The following ZNF232 variants were observed in gnomAD, a reference collection of about 807,000 sequenced individuals.
ZNF232 encodes zinc finger and SCAN domain-containing protein 11.
ZNF232 carries 25 observed loss-of-function variants against 25.2 expected under a neutral mutation model. The ratio of observed to expected loss-of-function variants is 0.99; its 90% CI spans 0.72 to 1.39. The LOEUF (loss-of-function observed/expected upper bound fraction) is 1.39. Ranked by LOEUF, ZNF232 falls within the 40% of genes most tolerant of loss-of-function variation. The pLI is 0.00. For missense variants in ZNF232, 519 were observed against 520.9 expected, an observed-to-expected ratio of 1.00 and a Z score of 0.04; for synonymous variants, 193 against 182.9, an observed-to-expected ratio of 1.06 and a Z score of -0.45.
At chr17:5,120,667 G>A (rs182232657) in intron 1 of ZNF232, 6 of 399,710 alleles carry the variant, frequency 1.5e-5, no homozygotes, top group South Asian at 1.1e-4. Context: ...GAGGATGTCA[G>A]TGTGAAGATG....
At chr17:5,111,213 C>A (rs933272764) in intron 1 of ZNF232, 1 of 152,604 alleles carries the variant, frequency 6.6e-6, no homozygotes, top group African/African-American at 2.4e-5. Context: ...TGCTTTCTAT[C>A]TTGCAGCTAT....
intron 3 of ZNF232, among the ~76,000 whole-genome samples, chr17:5,107,470 A>G (rs927424557): frequency 1.4e-5 from 2 of 141,894 alleles, no homozygotes; most frequent in African/African-American, 5.2e-5. Flanking sequence ...TTTATGTTTT[A>G]TCTGTTGTAA....
intron 1 of ZNF232, among the ~76,000 whole-genome samples, chr17:5,122,217 T>G (rs924035822): frequency 1.7e-4 from 26 of 151,926 alleles, no homozygotes; most frequent in African/African-American, 6.0e-4. Flanking sequence ...ACTGGATGCC[T>G]GGATCTCAGG....
intron 3 of ZNF232, among the ~76,000 whole-genome samples, chr17:5,107,972 A>T (rs1242539792): frequency 6.6e-6 from 1 of 152,212 alleles, no homozygotes; most frequent in Non-Finnish European, 1.5e-5. Flanking sequence ...AATAAAATTG[A>T]TAAATGAATA....
At chr17:5,121,800 C>G (rs751449884) in intron 1 of ZNF232, 1 of 153,322 alleles carries the variant, frequency 6.5e-6, no homozygotes, top group Non-Finnish European at 1.5e-5. Flanking sequence ...GCCCACTTCA[C>G]CTAGGAAGAA....
At chr17:5,118,029 A>G (rs1374928682) in intron 1 of ZNF232, among the ~76,000 whole-genome samples, 4 of 150,660 alleles carry the variant, frequency 2.7e-5, no homozygotes, top group Non-Finnish European at 5.9e-5. Context: ...AGATCATGCC[A>G]CTGCACTCTA....
rs188493357 is a variant in ZNF232, at chr17:5,119,771, C to T, written c.-530+3206G>A. On this transcript the variant is annotated intron_variant, in intron 1 of 4. Coordinates refer to the ZNF232 transcript ENST00000250076. ...AACAAGGAACTTCTGCCCAGCACTACAAGTGACTCACAGCCATCATCTCAG... is the reference window on the plus strand; with the variant it reads ...AACAAGGAACTTCTGCCCAGCACTATAAGTGACTCACAGCCATCATCTCAG... Among the ~76,000 whole-genome samples the T allele has an allele frequency of 2.6e-4, 39 of 152,304 alleles. No individual in the cohort carries two copies. In the East Asian group the frequency reaches 7.1e-3, roughly 28 times the overall value.
chr17:5,118,248 T>G (rs531711946), intron 1 of ZNF232: 14 of 152,648 alleles, frequency 9.2e-5, no homozygotes, highest in African/African-American at 3.4e-4. Flanking sequence ...GGGTGCCCTG[T>G]TTACTCAGCC....
At chr17:5,105,765 A>G (rs1174861464) in exon 4 of ZNF232, 3 of 1,435,052 alleles carry the variant, frequency 2.1e-6, no homozygotes, top group Non-Finnish European at 2.8e-6. Context: ...TATGGGATCC[A>G]GTCCTAAAGT....
upstream of ZNF232, chr17:5,114,266 A>AGAT (rs2072479815): frequency 6.6e-6 from 1 of 152,280 alleles, no homozygotes; most frequent in Non-Finnish European, 1.5e-5. Context: ...ATGAATTTCC[A>AGAT]GATGCCTCAC....
chr17:5,110,818 A>G lies in ZNF232; in HGVS notation c.24-950T>C, dbSNP rs58458264. On this transcript the variant is annotated intron_variant, in intron 1 of 3. Transcript: ENST00000575898. Reference sequence around the variant, plus strand: ...GAGGATGCACCCAGGAAAAAGACACACAAGCCACAGTAGGATCCGTGGCTC... The same window carrying G: ...GAGGATGCACCCAGGAAAAAGACACGCAAGCCACAGTAGGATCCGTGGCTC... 9.0e-3 allele frequency among the ~76,000 whole-genome samples: 1,367 copies of G among 152,330 alleles called. 20 individuals are homozygous for G. The highest frequency in any genetic ancestry group is 0.032 in the African/African-American group (1,310 of 41,564).
chr17:5,115,396 A>G (rs941209031), upstream of ZNF232, among the ~76,000 whole-genome samples: 2 of 152,020 alleles, frequency 1.3e-5, no homozygotes, highest in Non-Finnish European at 2.9e-5. Context: ...TACTAAAAAT[A>G]CAAAATTAGC....
rs1279574693 is a variant in ZNF232, at chr17:5,109,206, A to C, written c.499-154T>G. ...CTCCTCAGAGTCAGCACAAGGGAAG[A>C]AGAGGAGCTAGAGTCTCTTTCTCAT... On this transcript the variant is annotated intron_variant, in intron 2 of 3. Transcript: ENST00000575898. 3.2e-6 allele frequency: 4 copies of C among 1,266,918 alleles called. No individual in the cohort carries two copies. In the South Asian group the frequency reaches 5.3e-5, roughly 17 times the overall value. 78.5% of individuals were successfully genotyped at this position (1,266,918 alleles called of 1,614,324 possible).
exon 4 of ZNF232, chr17:5,105,748 T>G: frequency 7.3e-7 from 1 of 1,373,904 alleles, no homozygotes; most frequent in Non-Finnish European, 9.8e-7. Flanking sequence ...AAGGAACTTA[T>G]AACTTTTATG....
intron 1 of ZNF232, chr17:5,111,424 G>A (rs2072405965): frequency 6.0e-6 from 2 of 330,734 alleles, no homozygotes; most frequent in Non-Finnish European, 1.1e-5. Context: ...GAGGAAAAAC[G>A]CGGAGCTCGC....
upstream of ZNF232, chr17:5,116,681 C>G (rs576549097): frequency 6.6e-6 from 1 of 152,272 alleles, no homozygotes; most frequent in Non-Finnish European, 1.5e-5. Context: ...GACTGTACCG[C>G]CAAGACCGCT....
intron 1 of ZNF232, chr17:5,111,590 A>G: frequency 3.0e-6 from 2 of 674,084 alleles, no homozygotes; most frequent in Non-Finnish European, 4.9e-6. Context: ...GAGAAAAGAG[A>G]AGAGGAACAT....
chr17:5,111,907 A>T, upstream of ZNF232: 1 of 1,575,714 alleles, frequency 6.3e-7, no homozygotes, highest in East Asian at 2.3e-5. Flanking sequence ...CTCGGCCTCC[A>T]ACTCCCAGAA....
chr17:5,117,011 G>A (rs2072553016), intron 1 of ZNF232, among the ~76,000 whole-genome samples: 1 of 152,218 alleles, frequency 6.6e-6, no homozygotes, highest in Non-Finnish European at 1.5e-5. Context: ...TAAATAATAG[G>A]AAGGAAAGGT....
Sources: allele counts gnomAD v4.1 joint callset (sites outside exome capture counted in the v4.1 genomes callset), GRCh38; gene constraint gnomAD v4.1.1; transcripts MANE v1.5; gene names NCBI Gene and HGNC (gene_info 2026-07-23, HGNC 2026-07-21).